GALNTL6: variants seen among roughly 807,000 people sequenced by gnomAD.
GALNTL6 encodes the protein polypeptide N-acetylgalactosaminyltransferase-like 6.
Under a neutral mutation model 73.7 loss-of-function variants are expected in GALNTL6, and 46 were observed. That is an observed-to-expected ratio of 0.62 (90% CI 0.49 to 0.80). The LOEUF (loss-of-function observed/expected upper bound fraction) is 0.80. Among genes scored for constraint, GALNTL6 ranks in the 30% least tolerant of loss-of-function variants. The pLI, the probability that GALNTL6 is intolerant of heterozygous loss-of-function variation, is 0.00. For synonymous variants in GALNTL6, 259 were observed against 263.7 expected, an observed-to-expected ratio of 0.98 and a Z score of 0.17; for missense variants, 604 against 755.0, an observed-to-expected ratio of 0.80 and a Z score of 2.34.
At position 172,641,879 on chromosome 4, in the gene GALNTL6, A is replaced by G. The variant is rs576593973; in HGVS notation, c.554-167482A>G. Among the ~76,000 whole-genome samples, 6 of 152,192 alleles carry G rather than the reference A, an allele frequency of 3.9e-5. No homozygotes were observed. The South Asian group carries it at 1.2e-3, about 32-fold the overall frequency. ...AGGACTTTATAGGTGCTCTTTAAAT[A>G]GCAAGAAAACAAATAATGTGATTGA... On this transcript the variant is annotated intron_variant, in intron 5 of 12. Transcript: ENST00000506823.
intron 2 of GALNTL6, among the ~76,000 whole-genome samples, chr4:171,904,198 G>C (rs980961671): frequency 6.6e-6 from 1 of 152,172 alleles, no homozygotes; most frequent in Non-Finnish European, 1.5e-5. Context: ...ATTACTCCAA[G>C]CTACAGGAGG....
chr4:172,081,701 G>A (rs75741209), intron 2 of GALNTL6, among the ~76,000 whole-genome samples: 2,739 of 152,136 alleles, frequency 0.018, 73 homozygotes, highest in African/African-American at 0.06. Flanking sequence ...TAAAATGCTT[G>A]GAGCAGGAAG....
intron 2 of GALNTL6, among the ~76,000 whole-genome samples, chr4:172,218,652 T>G (rs901762171): frequency 6.6e-6 from 1 of 152,076 alleles, no homozygotes; most frequent in Non-Finnish European, 1.5e-5. Flanking sequence ...CTTGCAGATT[T>G]TCAGTTTGTT....
chr4:172,756,944 A>G (rs1180819743), intron 5 of GALNTL6, among the ~76,000 whole-genome samples: 3 of 152,172 alleles, frequency 2.0e-5, no homozygotes, highest in African/African-American at 4.8e-5. Context: ...GAAAGATTAC[A>G]TTGATCTTTT....
At chr4:172,954,781 T>C (rs1279599942) in intron 10 of GALNTL6, among the ~76,000 whole-genome samples, 4 of 152,164 alleles carry the variant, frequency 2.6e-5, no homozygotes, top group African/African-American at 9.7e-5. Flanking sequence ...GATTTTTTTT[T>C]CTTTTTTAAC....
At chr4:172,822,337 G>T (rs1380155780) in intron 7 of GALNTL6, among the ~76,000 whole-genome samples, 1 of 151,964 alleles carries the variant, frequency 6.6e-6, no homozygotes, top group Non-Finnish European at 1.5e-5. Context: ...TTCTGTAAGG[G>T]CCATTCAATC....
chr4:172,894,093 T>C (rs1475497293), intron 8 of GALNTL6, among the ~76,000 whole-genome samples: 2 of 152,226 alleles, frequency 1.3e-5, no homozygotes, highest in Non-Finnish European at 2.9e-5. Context: ...CAAAGTGTGA[T>C]GGTTTACTCA....
At chr4:172,540,106 A>G (rs1303928383) in intron 5 of GALNTL6, among the ~76,000 whole-genome samples, 1 of 146,920 alleles carries the variant, frequency 6.8e-6, no homozygotes, top group Non-Finnish European at 1.5e-5. Context: ...GCTGGAATGC[A>G]ATAGTGCGAT....
At chr4:172,689,036 T>G (rs1379993051) in intron 5 of GALNTL6, among the ~76,000 whole-genome samples, 1 of 152,146 alleles carries the variant, frequency 6.6e-6, no homozygotes, top group Non-Finnish European at 1.5e-5. Flanking sequence ...TAGAATATTT[T>G]GTTTTCCAGA....
chr4:172,791,818 T>G (rs1740010022), intron 5 of GALNTL6, among the ~76,000 whole-genome samples: 1 of 152,200 alleles, frequency 6.6e-6, no homozygotes, highest in South Asian at 2.1e-4. Flanking sequence ...AATTTCTGAT[T>G]GAGAAACTAA....
rs182369581 is a variant in GALNTL6 at position 172,433,338 on chromosome 4, C to A, written c.553+84649C>A. On this transcript the variant is annotated intron_variant, in intron 5 of 12. Transcript: ENST00000506823. Reference sequence around the variant, plus strand: ...AAAAGGATTAAAAGTGTGTTCGTTGCCCAGTCATTTTCCACCCTCAGCCCC... The same window carrying A: ...AAAAGGATTAAAAGTGTGTTCGTTGACCAGTCATTTTCCACCCTCAGCCCC... 8.5e-5 allele frequency among the ~76,000 whole-genome samples: 13 copies of A among 152,068 alleles called. No homozygotes were observed. The East Asian group carries it at 2.1e-3, about 25-fold the overall frequency.
chr4:172,230,151 T>C (rs533155314), intron 3 of GALNTL6, among the ~76,000 whole-genome samples: 2 of 152,226 alleles, frequency 1.3e-5, no homozygotes, highest in African/African-American at 4.8e-5. Context: ...ATTTAATTTG[T>C]ACCAATGTTT....
intron 10 of GALNTL6, among the ~76,000 whole-genome samples, chr4:172,981,995 A>C (rs1554008489): frequency 6.6e-6 from 1 of 151,910 alleles, no homozygotes. Flanking sequence ...GGGTTTCTCC[A>C]TGTTGGTCAG....
chr4:172,609,625 C>CTCTCTGTGCG (rs753051714), intron 5 of GALNTL6, among the ~76,000 whole-genome samples: 1 of 92,778 alleles, frequency 1.1e-5, no homozygotes, highest in Non-Finnish European at 2.0e-5. Flanking sequence ...CTCTCTCTCT[C>CTCTCTGTGCG]TGTGTGTGTG....
At position 172,893,342 on chromosome 4, in the gene GALNTL6, T is replaced by TGG. The variant is rs1188538488; in HGVS notation, c.1041+10436_1041+10437dup. On this transcript the variant is annotated intron_variant, in intron 8 of 12. Transcript: ENST00000506823. ...ATCACTCTTCTAAGTGTTCTGAGAG[T>TGG]GGCGGGGGGGGGGTCTTCCCCTTCT... is the stretch of plus-strand genomic sequence containing the variant. 2.0e-3 allele frequency among the ~76,000 whole-genome samples: 264 copies of TGG among 129,604 alleles called. 2 individuals carry two copies. The highest frequency in any genetic ancestry group is 7.5e-3 in the African/African-American group (229 of 30,418). 85.0% of individuals were successfully genotyped at this position (129,604 alleles called of 152,430 possible).
At chr4:172,349,390 T>A (rs182680133) in intron 5 of GALNTL6, among the ~76,000 whole-genome samples, 1 of 152,308 alleles carries the variant, frequency 6.6e-6, no homozygotes, top group Admixed American at 6.5e-5. Flanking sequence ...ACTGTATATC[T>A]GTTAGAAAGA....
chr4:172,583,881 G>A (rs973424292), intron 5 of GALNTL6, among the ~76,000 whole-genome samples: 15 of 125,700 alleles, frequency 1.2e-4, no homozygotes, highest in African/African-American at 3.1e-4. Flanking sequence ...CCGACAGAGC[G>A]AGACTCTGTC....
chr4:172,893,884 T>G (rs1053016447), intron 8 of GALNTL6, among the ~76,000 whole-genome samples: 2 of 152,184 alleles, frequency 1.3e-5, no homozygotes, highest in African/African-American at 4.8e-5. Flanking sequence ...ATCTCATGTA[T>G]CTAGGATCCC....
intron 10 of GALNTL6, among the ~76,000 whole-genome samples, chr4:172,977,207 A>G (rs1014555024): frequency 1.4e-4 from 22 of 152,232 alleles, no homozygotes; most frequent in African/African-American, 5.3e-4. Flanking sequence ...TTTGTTTGCC[A>G]GAAAGAACAA....
Sources: allele counts gnomAD v4.1 joint callset (sites outside exome capture counted in the v4.1 genomes callset), GRCh38; gene constraint gnomAD v4.1.1; transcripts MANE v1.5; gene names NCBI Gene and HGNC (gene_info 2026-07-23, HGNC 2026-07-21).